NSRP1: variants seen among roughly 807,000 people sequenced by gnomAD.
NSRP1 encodes nuclear speckle splicing regulatory protein 1.
Under a neutral mutation model 54.7 loss-of-function variants are expected in NSRP1, and 24 were observed. The ratio of observed to expected loss-of-function variants is 0.44; its 90% CI spans 0.32 to 0.62. NSRP1 has a LOEUF of 0.62. NSRP1 is among the 20% of genes least tolerant of loss of function. NSRP1 has a pLI of 0.06. For synonymous variants in NSRP1, 210 were observed against 213.8 expected, an observed-to-expected ratio of 0.98 and a Z score of 0.15; for missense variants, 596 against 651.2, an observed-to-expected ratio of 0.92 and a Z score of 0.92.
chr17:30,159,273 A>G (rs551076502), intron 2 of NSRP1, among the ~76,000 whole-genome samples: 25 of 152,120 alleles, frequency 1.6e-4, no homozygotes, highest in Non-Finnish European at 3.4e-4. Context: ...TGTTGCTAGT[A>G]TATTGAAAGT....
intron 4 of NSRP1, among the ~76,000 whole-genome samples, chr17:30,178,649 T>C (rs901979015): frequency 2.0e-5 from 3 of 152,198 alleles, no homozygotes; most frequent in African/African-American, 7.2e-5. Flanking sequence ...TTTCTTTCTA[T>C]CAACTCTTGT....
intron 2 of NSRP1, among the ~76,000 whole-genome samples, chr17:30,118,809 C>T (rs572471932): frequency 4.0e-5 from 6 of 151,228 alleles, no homozygotes; most frequent in Admixed American, 6.6e-5. Flanking sequence ...AGTGCAATGC[C>T]GCGATCTCGG....
rs955915485 is a variant in NSRP1, at chr17:30,180,622, C to A, written c.509-286C>A. 1.2e-4 allele frequency among the ~76,000 whole-genome samples: 19 copies of A among 152,170 alleles called. 1 individual carries two copies. Among genetic ancestry groups the A allele is most frequent in the Non-Finnish European group, 1.5e-5 (1 of 68,026 alleles). ...TAAATTCATATTTTGAATGCCAGAT[C>A]ATATTCATACTTTAGGGCTTTTTGT... On this transcript the variant is annotated intron_variant, in intron 5 of 6. Coordinates refer to ENST00000247026, the MANE Select transcript of NSRP1 (RefSeq NM_032141.4).
chr17:30,168,902 A>G (rs1034751305), intron 2 of NSRP1: 4 of 152,086 alleles, frequency 2.6e-5, no homozygotes, highest in African/African-American at 9.6e-5. Context: ...TCAAAAGATC[A>G]TCAGTTTTTC....
At chr17:30,175,033 A>T (rs1180863621) in intron 3 of NSRP1, among the ~76,000 whole-genome samples, 1 of 152,154 alleles carries the variant, frequency 6.6e-6, no homozygotes, top group African/African-American at 2.4e-5. Context: ...ATATGATACT[A>T]TATACATTTT....
At chr17:30,152,903 C>CT (rs60246615) in intron 2 of NSRP1, among the ~76,000 whole-genome samples, 1,775 of 46,860 alleles carry the variant, frequency 0.038, 232 homozygotes, top group African/African-American at 0.082. Context: ...TTATTTTCAG[C>CT]TTTTTTTTTT....
Position 30,185,679 on chromosome 17 carries a change from T to C in NSRP1, c.*5T>C. On this transcript the variant is annotated 3_prime_UTR_variant, in exon 7 of 7. Coordinates refer to ENST00000247026, the MANE Select transcript of NSRP1 (RefSeq NM_032141.4). ...ATTGAGAAAGAAGATGATTGATGGC[T>C]ACCCCAAGAGAAAGATTTAAGGAAG... 3 of 1,548,834 alleles carry C rather than the reference T, an allele frequency of 1.9e-6. No individual in the cohort carries two copies. The highest frequency in any genetic ancestry group is 2.6e-6 in the Non-Finnish European group (3 of 1,153,634).
intron 2 of NSRP1, among the ~76,000 whole-genome samples, chr17:30,143,528 A>C (rs966985026): frequency 6.6e-6 from 1 of 152,166 alleles, no homozygotes; most frequent in African/African-American, 2.4e-5. Context: ...TACATTGCCA[A>C]GTGTTTTTCA....
At chr17:30,136,002 C>T (rs1201339636) in intron 2 of NSRP1, among the ~76,000 whole-genome samples, 1 of 151,964 alleles carries the variant, frequency 6.6e-6, no homozygotes, top group African/African-American at 2.4e-5. Flanking sequence ...CACCTGAGGT[C>T]AGGAGTTTGA....
chr17:30,144,776 C>T (rs2071838304), intron 2 of NSRP1: 1 of 152,160 alleles, frequency 6.6e-6, no homozygotes, highest in African/African-American at 2.4e-5. Context: ...AATTGTTAGT[C>T]ATGCTCCTCA....
intron 2 of NSRP1, among the ~76,000 whole-genome samples, chr17:30,171,041 T>G (rs1401789766): frequency 6.6e-6 from 1 of 152,208 alleles, no homozygotes; most frequent in African/African-American, 2.4e-5. Context: ...CCTGTACTAT[T>G]AAGGAAACAT....
At chr17:30,173,190 G>A (rs1905018164) in intron 3 of NSRP1, among the ~76,000 whole-genome samples, 2 of 152,078 alleles carry the variant, frequency 1.3e-5, no homozygotes, top group Admixed American at 6.6e-5. Context: ...TCTGGAACCC[G>A]TGACCTCAGG....
intron 2 of NSRP1, among the ~76,000 whole-genome samples, chr17:30,157,103 C>T (rs1242675636): frequency 6.6e-6 from 1 of 152,060 alleles, no homozygotes; most frequent in Non-Finnish European, 1.5e-5. Context: ...AGTTACATTC[C>T]CACCTACAGT....
At chr17:30,129,897 T>C (rs1480830533) in intron 2 of NSRP1, among the ~76,000 whole-genome samples, 1 of 152,204 alleles carries the variant, frequency 6.6e-6, no homozygotes, top group Non-Finnish European at 1.5e-5. Context: ...ACTGAATTAC[T>C]AGTAAATTTA....
intron 2 of NSRP1, among the ~76,000 whole-genome samples, chr17:30,170,596 T>C (rs1904894354): frequency 6.6e-6 from 1 of 152,232 alleles, no homozygotes; most frequent in Non-Finnish European, 1.5e-5. Flanking sequence ...CCATTCATAT[T>C]GTGGCAAATG....
intron 2 of NSRP1, chr17:30,163,296 C>T (rs1218472277): frequency 6.6e-6 from 1 of 150,952 alleles, no homozygotes; most frequent in African/African-American, 2.5e-5. Context: ...TGGTCTCGAA[C>T]TACTGAGCTC....
intron 3 of NSRP1, among the ~76,000 whole-genome samples, chr17:30,173,649 A>G (rs1597619105): frequency 6.6e-6 from 1 of 152,236 alleles, no homozygotes; most frequent in African/African-American, 2.4e-5. Context: ...CATCATGACA[A>G]CTATGTTTTA....
intron 2 of NSRP1, chr17:30,127,998 C>T: frequency 2.5e-6 from 1 of 395,412 alleles, no homozygotes; most frequent in Non-Finnish European, 4.5e-6. Context: ...CCATGCCTGG[C>T]TAATTTTTTA....
chr17:30,153,068 C>G (rs2071929152), intron 2 of NSRP1, among the ~76,000 whole-genome samples: 1 of 151,944 alleles, frequency 6.6e-6, no homozygotes, highest in Non-Finnish European at 1.5e-5. Flanking sequence ...GCGTGCACCA[C>G]CACACCCTGC....
Sources: allele counts gnomAD v4.1 joint callset (sites outside exome capture counted in the v4.1 genomes callset), GRCh38; gene constraint gnomAD v4.1.1; transcripts MANE v1.5; gene names NCBI Gene and HGNC (gene_info 2026-07-23, HGNC 2026-07-21).